The following IL1RAPL2 variants were observed in gnomAD, a reference collection of about 807,000 sequenced individuals.
The protein encoded by IL1RAPL2 is interleukin 1 receptor accessory protein like 2.
Under a neutral mutation model 44.1 loss-of-function variants are expected in IL1RAPL2, and 3 were observed. That is an observed-to-expected ratio of 0.07 (90% CI 0.03 to 0.18). IL1RAPL2 has a LOEUF of 0.18. Among genes scored for constraint, IL1RAPL2 ranks in the 10% least tolerant of loss-of-function variants. The pLI is 1.00. For missense variants in IL1RAPL2, 391 were observed against 496.4 expected, an observed-to-expected ratio of 0.79 and a Z score of 2.02; for synonymous variants, 181 against 178.8, an observed-to-expected ratio of 1.01 and a Z score of -0.10.
intron 6 of IL1RAPL2, among the ~76,000 whole-genome samples, chrX:105,571,531 G>A (rs1031484064): frequency 3.6e-5 from 4 of 110,624 alleles, no homozygotes; most frequent in African/African-American, 1.3e-4. Flanking sequence ...AAGGATCTAG[G>A]CTCCTTCTCT....
At chrX:104,910,014 T>A (rs528478007) in intron 2 of IL1RAPL2, among the ~76,000 whole-genome samples, 3 of 112,548 alleles carry the variant, frequency 2.7e-5, no homozygotes, top group African/African-American at 9.7e-5. Flanking sequence ...GACTCCGTGG[T>A]TGTAGGACCC....
intron 2 of IL1RAPL2, among the ~76,000 whole-genome samples, chrX:104,675,918 C>A (rs1335823192): frequency 1.9e-5 from 2 of 105,824 alleles, no homozygotes; most frequent in East Asian, 5.9e-4. Context: ...ACTAGGATTG[C>A]AACCCCTGCC....
intron 5 of IL1RAPL2, among the ~76,000 whole-genome samples, chrX:105,382,865 A>C (rs1047451806): frequency 8.5e-5 from 9 of 106,120 alleles, no homozygotes; most frequent in Non-Finnish European, 1.5e-4. Context: ...AAACTATCGT[A>C]AGAACAAAAA....
At chrX:104,964,321 A>AT (rs2030074415) in intron 2 of IL1RAPL2, among the ~76,000 whole-genome samples, 2 of 99,006 alleles carry the variant, frequency 2.0e-5, no homozygotes, top group Non-Finnish European at 4.1e-5. Flanking sequence ...TATTTATTTT[A>AT]TTTATTTTGA....
rs762277228 is a variant in IL1RAPL2 at position 104,735,740 on chromosome X, C to T, written c.82+76745C>T. Among the ~76,000 whole-genome samples, 3 of 111,062 alleles carry T rather than the reference C, an allele frequency of 2.7e-5. No homozygotes were observed. The Admixed American group carries it at 2.9e-4, about 11-fold the overall frequency. ...TTGTTCAGGATAGAAGTTTGCATAA[C>T]TGGTAACTGTAGCATTTTTCTCAGA... On this transcript the variant is annotated intron_variant, in intron 2 of 10. Coordinates refer to ENST00000372582, the MANE Select transcript of IL1RAPL2 (RefSeq NM_017416.2).
In IL1RAPL2 at chrX:105,549,826, C is replaced by A. The variant is rs557832640; in HGVS notation, c.772+65439C>A. Among the ~76,000 whole-genome samples, 6 of 111,951 alleles carry A rather than the reference C, an allele frequency of 5.4e-5. No individual in the cohort carries two copies. The South Asian group carries it at 1.9e-3, about 35-fold the overall frequency. ...CCCGAAGCCCAGAATTACTCAGAGACCTGAACCTAGAATCCGTCTCTAATT... is the reference window on the plus strand; with the variant it reads ...CCCGAAGCCCAGAATTACTCAGAGAACTGAACCTAGAATCCGTCTCTAATT... On this transcript the variant is annotated intron_variant, in intron 6 of 10. Transcript: ENST00000372582.
At chrX:105,393,537 T>C (rs1167392733) in intron 5 of IL1RAPL2, among the ~76,000 whole-genome samples, 3 of 110,907 alleles carry the variant, frequency 2.7e-5, no homozygotes, top group Non-Finnish European at 5.7e-5. Flanking sequence ...TTTACAAAGG[T>C]GGTTTAGTTT....
intron 6 of IL1RAPL2, among the ~76,000 whole-genome samples, chrX:105,705,229 T>C (rs1042630128): frequency 9.1e-6 from 1 of 110,411 alleles, no homozygotes; most frequent in Non-Finnish European, 1.9e-5. Flanking sequence ...CGGATACAGA[T>C]AGATAGAAAA....
chrX:104,682,621 G>A (rs1286308368), intron 2 of IL1RAPL2, among the ~76,000 whole-genome samples: 2 of 112,124 alleles, frequency 1.8e-5, no homozygotes, highest in African/African-American at 6.5e-5. Flanking sequence ...ATTCCTTAGT[G>A]CCTGAGTCAG....
intron 2 of IL1RAPL2, among the ~76,000 whole-genome samples, chrX:105,041,612 G>T (rs1438780338): frequency 9.1e-6 from 1 of 110,081 alleles, no homozygotes; most frequent in East Asian, 2.8e-4. Context: ...CCATGCTCAT[G>T]GCTAGGAAGA....
intron 1 of IL1RAPL2, among the ~76,000 whole-genome samples, chrX:104,649,827 A>G (rs1284543208): frequency 8.9e-6 from 1 of 112,055 alleles, no homozygotes; most frequent in Non-Finnish European, 1.9e-5. Flanking sequence ...GTTAAAAATT[A>G]GCATGAACCA....
intron 2 of IL1RAPL2, among the ~76,000 whole-genome samples, chrX:105,154,313 G>T (rs5962468): frequency 0.055 from 6,149 of 110,929 alleles, 410 homozygotes; most frequent in African/African-American, 0.19. Context: ...AGTCAGTTGA[G>T]GGGCTTAGAA....
At chrX:104,618,694 GC>G (rs1369536830) in intron 1 of IL1RAPL2, among the ~76,000 whole-genome samples, 1 of 111,353 alleles carries the variant, frequency 9.0e-6, no homozygotes, top group Non-Finnish European at 1.9e-5. Flanking sequence ...AGCAGAGAGG[GC>G]CCTTCTGTAC....
chrX:105,388,480 T>A (rs1369533959), intron 5 of IL1RAPL2, among the ~76,000 whole-genome samples: 3 of 108,098 alleles, frequency 2.8e-5, no homozygotes, highest in African/African-American at 1.0e-4. Flanking sequence ...ACTTGGCATA[T>A]TTATGCCTAT....
chrX:105,047,257 A>G (rs1342695884), intron 2 of IL1RAPL2, among the ~76,000 whole-genome samples: 2 of 111,689 alleles, frequency 1.8e-5, no homozygotes, highest in African/African-American at 6.5e-5. Context: ...TATTCCAAAA[A>G]GCATCACAGC....
chrX:105,714,927 C>T (rs1391447509), intron 6 of IL1RAPL2, among the ~76,000 whole-genome samples: 1 of 111,958 alleles, frequency 8.9e-6, no homozygotes, highest in Non-Finnish European at 1.9e-5. Context: ...GTGACTTCAG[C>T]TCTCCTGTAA....
intron 5 of IL1RAPL2, among the ~76,000 whole-genome samples, chrX:105,301,411 C>G (rs1041210769): frequency 2.7e-5 from 3 of 111,314 alleles, no homozygotes; most frequent in South Asian, 7.6e-4. Flanking sequence ...TACAAACAAT[C>G]CAGTTATACT....
chrX:104,583,077 G>A (rs920998743), intron 1 of IL1RAPL2, among the ~76,000 whole-genome samples: 4 of 107,098 alleles, frequency 3.7e-5, no homozygotes, highest in Admixed American at 1.0e-4. Flanking sequence ...TAGTAGAGTC[G>A]GGGTTTCACC....
intron 5 of IL1RAPL2, among the ~76,000 whole-genome samples, chrX:105,326,013 C>T (rs1251420858): frequency 9.1e-6 from 1 of 110,380 alleles, no homozygotes; most frequent in African/African-American, 3.3e-5. Flanking sequence ...ATATTTTCTC[C>T]CAGTCTGTGA....
Sources: allele counts gnomAD v4.1 joint callset (sites outside exome capture counted in the v4.1 genomes callset), GRCh38; gene constraint gnomAD v4.1.1; transcripts MANE v1.5; gene names NCBI Gene and HGNC (gene_info 2026-07-23, HGNC 2026-07-21).